RERE: variants seen among roughly 807,000 people sequenced by gnomAD.
RERE encodes arginine-glutamic acid dipeptide repeats, also known as arginine-glutamic acid dipeptide repeats protein.
RERE carries 40 observed loss-of-function variants against 146.1 expected under a neutral mutation model. The observed-to-expected ratio is 0.27, with a 90% confidence interval of 0.21 to 0.36. RERE has a LOEUF of 0.36. RERE is among the 10% of genes least tolerant of loss of function. RERE has a pLI of 1.00. For synonymous variants in RERE, 1,003 were observed against 866.0 expected, an observed-to-expected ratio of 1.16 and a Z score of -2.78; for missense variants, 1,933 against 2,138.7, an observed-to-expected ratio of 0.90 and a Z score of 1.90.
intron 11 of RERE, among the ~76,000 whole-genome samples, chr1:8,463,642 AAAG>A (rs1644556976): frequency 6.6e-6 from 1 of 152,146 alleles, no homozygotes; most frequent in South Asian, 2.1e-4. Flanking sequence ...AAGAGAAATG[AAAG>A]AAGGGAGAGA....
intron 1 of RERE, among the ~76,000 whole-genome samples, chr1:8,714,787 C>T (rs975830662): frequency 5.9e-5 from 9 of 152,006 alleles, no homozygotes; most frequent in African/African-American, 1.9e-4. Context: ...GATTTAGAGA[C>T]GGGGCATACA....
chr1:8,464,228 C>A (rs1424106707), intron 11 of RERE, among the ~76,000 whole-genome samples: 1 of 152,188 alleles, frequency 6.6e-6, no homozygotes, highest in African/African-American at 2.4e-5. Context: ...ATTCAACAAG[C>A]ACTCCATTAC....
chr1:8,604,614 G>GAGGAAGGAAGGAAGGA (rs1316092887), intron 4 of RERE, among the ~76,000 whole-genome samples: 1 of 68,106 alleles, frequency 1.5e-5, no homozygotes, highest in Non-Finnish European at 3.3e-5. Context: ...GGGAGGGAGG[G>GAGGAAGGAAGGAAGGA]AGGGAGGGAG....
intron 4 of RERE, among the ~76,000 whole-genome samples, chr1:8,583,229 C>T (rs1007202363): frequency 1.2e-4 from 19 of 152,106 alleles, no homozygotes; most frequent in African/African-American, 4.6e-4. Flanking sequence ...CCCTTAATCC[C>T]CACACAAAAA....
At chr1:8,611,857 C>A (rs1646797510) in intron 4 of RERE, among the ~76,000 whole-genome samples, 1 of 152,156 alleles carries the variant, frequency 6.6e-6, no homozygotes, top group Non-Finnish European at 1.5e-5. Flanking sequence ...CGGGTAGAAT[C>A]ATTTCTGACC....
At chr1:8,739,318 T>G (rs1325873290) in intron 1 of RERE, among the ~76,000 whole-genome samples, 1 of 152,124 alleles carries the variant, frequency 6.6e-6, no homozygotes, top group Admixed American at 6.5e-5. Context: ...CTGACAGAAC[T>G]TCAGGCAATC....
At position 8,368,596 on chromosome 1, in the gene RERE, C is replaced by T. The variant is rs186427103; in HGVS notation, c.1285-2622G>A. ...TGAGAAGGTGGTACCTGAGCCTCTG[C>T]CATGCCTTCAAGTCTTACCTGAAGG... is the stretch of plus-strand genomic sequence containing the variant. On this transcript the variant is annotated intron_variant, in intron 12 of 22. Coordinates refer to ENST00000400908, the MANE Select transcript of RERE (RefSeq NM_001042681.2). 7.0e-4 allele frequency among the ~76,000 whole-genome samples: 107 copies of T among 152,176 alleles called. 3 individuals are homozygous for T. In the South Asian group the frequency reaches 0.012, roughly 17 times the overall value.
At chr1:8,578,103 A>G (rs1646318637) in intron 4 of RERE, among the ~76,000 whole-genome samples, 1 of 152,158 alleles carries the variant, frequency 6.6e-6, no homozygotes, top group South Asian at 2.1e-4. Context: ...AAAGAAAAAA[A>G]AAAGGGCGGG....
chr1:8,378,939 A>G (rs572164939), intron 12 of RERE, among the ~76,000 whole-genome samples: 2 of 152,310 alleles, frequency 1.3e-5, no homozygotes, highest in Admixed American at 1.3e-4. Flanking sequence ...CAGGTGCCAA[A>G]GGGTAGAGTA....
chr1:8,702,137 ATCTGT>A (rs1639466175), intron 1 of RERE, among the ~76,000 whole-genome samples: 1 of 152,142 alleles, frequency 6.6e-6, no homozygotes, highest in South Asian at 2.1e-4. Context: ...ACTTTGTTAA[ATCTGT>A]TCTCAACTTT....
intron 1 of RERE, among the ~76,000 whole-genome samples, chr1:8,809,604 G>C (rs969309553): frequency 4.6e-5 from 7 of 152,170 alleles, no homozygotes; most frequent in African/African-American, 1.7e-4. Flanking sequence ...TATGCCACTG[G>C]AATTAGGAAA....
At chr1:8,804,383 T>C (rs1047250746) in intron 1 of RERE, among the ~76,000 whole-genome samples, 10 of 152,204 alleles carry the variant, frequency 6.6e-5, no homozygotes, top group Non-Finnish European at 1.2e-4. Flanking sequence ...CAAATAATAC[T>C]GAAGGATTAC....
chr1:8,754,730 T>C (rs991701437), intron 1 of RERE, among the ~76,000 whole-genome samples: 1 of 152,228 alleles, frequency 6.6e-6, no homozygotes, highest in Non-Finnish European at 1.5e-5. Flanking sequence ...AGATTTTCAG[T>C]GACTGTTAAC....
At chr1:8,536,682 A>G (rs1250411478) in intron 7 of RERE, among the ~76,000 whole-genome samples, 2 of 152,208 alleles carry the variant, frequency 1.3e-5, no homozygotes, top group Non-Finnish European at 2.9e-5. Context: ...CTTGCAGAGT[A>G]TGCTCACCAC....
intron 8 of RERE, among the ~76,000 whole-genome samples, chr1:8,505,361 G>A (rs115351563): frequency 0.027 from 4,134 of 152,228 alleles, 75 homozygotes; most frequent in Middle Eastern, 0.048. Context: ...ACATCTACAA[G>A]GAAAATGATG....
intron 1 of RERE, among the ~76,000 whole-genome samples, chr1:8,785,680 G>T (rs1318826469): frequency 6.6e-6 from 1 of 152,022 alleles, no homozygotes; most frequent in Non-Finnish European, 1.5e-5. Context: ...GGAGTGTGAT[G>T]GCGCAGTCTT....
At chr1:8,644,432 A>G (rs1396204859) in intron 2 of RERE, among the ~76,000 whole-genome samples, 2 of 152,154 alleles carry the variant, frequency 1.3e-5, no homozygotes, top group Non-Finnish European at 2.9e-5. Flanking sequence ...CCAGCTTCCC[A>G]ACCATTATGG....
intron 6 of RERE, among the ~76,000 whole-genome samples, chr1:8,545,292 C>T (rs1316845704): frequency 1.3e-5 from 2 of 152,162 alleles, no homozygotes; most frequent in African/African-American, 4.8e-5. Flanking sequence ...AAAGGCGTCC[C>T]GGAAATGACT....
At chr1:8,385,755 G>T (rs188448963) in intron 12 of RERE, among the ~76,000 whole-genome samples, 3 of 150,570 alleles carry the variant, frequency 2.0e-5, no homozygotes, top group East Asian at 2.0e-4. Flanking sequence ...TAGGTCAGGA[G>T]ATCGAGACTA....
Sources: gnomAD v4.1 joint callset for allele counts (sites outside exome capture counted in the v4.1 genomes callset) on GRCh38, gnomAD v4.1.1 for gene constraint, MANE v1.5 for transcripts, NCBI Gene and HGNC (gene_info 2026-07-23, HGNC 2026-07-21) for gene names.